Variants in KIF6 observed in about 807,000 individuals in gnomAD.
KIF6 encodes kinesin family member 6.
Under a neutral mutation model 112.7 loss-of-function variants are expected in KIF6, and 106 were observed. The observed-to-expected ratio is 0.94, with a 90% CI of 0.80 to 1.11. The LOEUF (loss-of-function observed/expected upper bound fraction) is 1.11. Among genes scored for constraint, KIF6 ranks in the 50% least tolerant of loss-of-function variants. The probability of loss-of-function intolerance (pLI) is 0.00; values close to 1 mark genes in which losing one functional copy is unlikely to be tolerated. For synonymous variants in KIF6, 339 were observed against 339.9 expected (o/e 1.00, Z 0.03); for missense variants, 929 against 964.0 (o/e 0.96, Z 0.48).
At chr6:39,348,851 C>T (rs1269739645) in intron 19 of KIF6, among the ~76,000 whole-genome samples, 1 of 152,214 alleles carries the variant, frequency 6.6e-6, no homozygotes, top group Non-Finnish European at 1.5e-5. Context: ...GGAGCAGCCG[C>T]TCTGGAGCTC....
chr6:39,339,883 C>T (rs1763227602), intron 22 of KIF6, among the ~76,000 whole-genome samples: 2 of 152,208 alleles, frequency 1.3e-5, no homozygotes, highest in Admixed American at 6.5e-5. Context: ...TCTCTGGGCT[C>T]CTGCTCCTGA....
chr6:39,635,812 C>A (rs776969635), intron 4 of KIF6, among the ~76,000 whole-genome samples: 3 of 152,026 alleles, frequency 2.0e-5, no homozygotes, highest in Non-Finnish European at 2.9e-5. Context: ...AAATATCAAA[C>A]AATAGCACCT....
chr6:39,460,535 G>GAAAAAAAAAAAAAAA (rs1491244154), intron 13 of KIF6, among the ~76,000 whole-genome samples: 2 of 31,618 alleles, frequency 6.3e-5, no homozygotes, highest in African/African-American at 1.1e-4. Context: ...AAAAAAAAAA[G>GAAAAAAAAAAAAAAA]TAAAAAAAAA....
At chr6:39,657,599 G>A (rs1785877770) in intron 3 of KIF6, among the ~76,000 whole-genome samples, 1 of 152,158 alleles carries the variant, frequency 6.6e-6, no homozygotes, top group Non-Finnish European at 1.5e-5. Context: ...TAAAAGTTGT[G>A]CAAGTAAAGT....
intron 1 of KIF6, 147 bp from the exon 2 acceptor site, chr6:39,720,958 T>C: frequency 1.7e-6 from 1 of 572,016 alleles, no homozygotes; most frequent in Admixed American, 3.0e-5. Context: ...AATTTTTCTC[T>C]TTGAACTGTG....
At chr6:39,615,593 T>C (rs1312949308) in intron 5 of KIF6, among the ~76,000 whole-genome samples, 1 of 151,548 alleles carries the variant, frequency 6.6e-6, no homozygotes, top group African/African-American at 2.4e-5. Context: ...GTATTAGAAT[T>C]TGTAAAAGTC....
chr6:39,350,801 G>A (rs1345647706), intron 19 of KIF6, among the ~76,000 whole-genome samples: 2 of 152,158 alleles, frequency 1.3e-5, no homozygotes, highest in African/African-American at 2.4e-5. Flanking sequence ...AGTCTCTGGC[G>A]GGGTTACTTT....
Position 39,387,900 on chromosome 6 carries a change from T to C in KIF6, c.1811-2228A>G, listed in dbSNP as rs575867115. Among the ~76,000 whole-genome samples the C allele has an allele frequency of 2.6e-3, 402 of 152,152 alleles. 3 individuals carry two copies. The highest frequency in any genetic ancestry group is 4.3e-3 in the Non-Finnish European group (289 of 67,998). On this transcript the variant is annotated intron_variant, in intron 15 of 22. Coordinates refer to ENST00000287152, the MANE Select transcript of KIF6 (RefSeq NM_145027.6). ...TTTAGAAACATCTCTTGATTTAGAG[T>C]GAGTCATCAAAAGCTTTTTAATCCT...
intron 7 of KIF6, among the ~76,000 whole-genome samples, chr6:39,595,130 T>C (rs577070056): frequency 6.6e-6 from 1 of 152,260 alleles, no homozygotes; most frequent in South Asian, 2.1e-4. Flanking sequence ...AGAACCATCA[T>C]GGGGTCAAAA....
At chr6:39,368,069 G>A (rs1472404001) in intron 16 of KIF6, among the ~76,000 whole-genome samples, 1 of 152,178 alleles carries the variant, frequency 6.6e-6, no homozygotes, top group Non-Finnish European at 1.5e-5. Context: ...CAGAAGTTTA[G>A]ATAGGATGGT....
intron 5 of KIF6, among the ~76,000 whole-genome samples, chr6:39,627,977 G>T (rs747089951): frequency 6.6e-6 from 1 of 151,852 alleles, no homozygotes; most frequent in African/African-American, 2.4e-5. Context: ...TACAGAATAG[G>T]TTTAATACAC....
chr6:39,485,616 T>C (rs1237314998), intron 13 of KIF6, among the ~76,000 whole-genome samples: 1 of 152,154 alleles, frequency 6.6e-6, no homozygotes, highest in Non-Finnish European at 1.5e-5. Flanking sequence ...TCCATTCTTC[T>C]GCCTTTCCCC....
At chr6:39,340,838 A>T (rs969752980) in intron 22 of KIF6, among the ~76,000 whole-genome samples, 4 of 151,938 alleles carry the variant, frequency 2.6e-5, no homozygotes, top group Non-Finnish European at 5.9e-5. Flanking sequence ...TAACTTAAAG[A>T]TATTGCTTGC....
intron 13 of KIF6, among the ~76,000 whole-genome samples, chr6:39,445,237 G>A (rs1199446995): frequency 1.3e-5 from 2 of 152,148 alleles, no homozygotes; most frequent in African/African-American, 2.4e-5. Context: ...AGATGAAGGG[G>A]CAGGGCCCAG....
At chr6:39,527,210 T>C (rs1582053849) in intron 13 of KIF6, among the ~76,000 whole-genome samples, 2 of 152,290 alleles carry the variant, frequency 1.3e-5, no homozygotes, top group East Asian at 3.9e-4. Context: ...CCTTCTTGTG[T>C]CTATAGCTGC....
chr6:39,433,177 C>A (rs1162109673), intron 13 of KIF6, among the ~76,000 whole-genome samples: 1 of 152,226 alleles, frequency 6.6e-6, no homozygotes, highest in East Asian at 1.9e-4. Context: ...ACTGAGCAAC[C>A]ATTGGGACTA....
intron 10 of KIF6, among the ~76,000 whole-genome samples, chr6:39,556,964 AG>A (rs1181400524): frequency 6.6e-6 from 1 of 152,166 alleles, no homozygotes; most frequent in Middle Eastern, 3.2e-3. Context: ...ATTGAAGTTT[AG>A]AAATATACAT....
At chr6:39,602,070 T>G (rs1782607261) in intron 6 of KIF6, among the ~76,000 whole-genome samples, 1 of 152,178 alleles carries the variant, frequency 6.6e-6, no homozygotes, top group African/African-American at 2.4e-5. Flanking sequence ...CTATAAAATT[T>G]TAAATGCTAT....
chr6:39,425,537 C>A (rs1274296816), intron 14 of KIF6, among the ~76,000 whole-genome samples: 1 of 152,138 alleles, frequency 6.6e-6, no homozygotes, highest in Non-Finnish European at 1.5e-5. Context: ...CCTCCCCTGA[C>A]CCTCCAGAAG....
Sources: gnomAD v4.1 joint callset for allele counts (sites outside exome capture counted in the v4.1 genomes callset) on GRCh38, gnomAD v4.1.1 for gene constraint, MANE v1.5 for transcripts, NCBI Gene and HGNC (gene_info 2026-07-23, HGNC 2026-07-21) for gene names.